EPN2: variants seen among roughly 807,000 people sequenced by gnomAD.
EPN2 encodes epsin-2.
In EPN2, 34 loss-of-function variants were observed where a neutral mutation model predicts 61.7. That is an observed-to-expected ratio of 0.55 (90% CI 0.42 to 0.73). EPN2 has a LOEUF of 0.73. Among genes scored for constraint, EPN2 ranks in the 30% least tolerant of loss-of-function variants. The pLI, the probability that EPN2 is intolerant of heterozygous loss-of-function variation, is 0.00. For missense variants in EPN2, 714 were observed against 839.2 expected (o/e 0.85, Z 1.84); for synonymous variants, 349 against 353.6 (o/e 0.99, Z 0.15).
At chr17:19,266,043 C>CT (rs755709636) in intron 1 of EPN2, among the ~76,000 whole-genome samples, 14 of 152,152 alleles carry the variant, frequency 9.2e-5, no homozygotes, top group Non-Finnish European at 1.5e-4. Context: ...TCTCAGTCGT[C>CT]TTTCTGTCTT....
chr17:19,248,241 T>C (rs1012040657), intron 1 of EPN2, among the ~76,000 whole-genome samples: 4 of 152,318 alleles, frequency 2.6e-5, no homozygotes, highest in African/African-American at 9.6e-5. Context: ...TCACCCTGGC[T>C]GAAATACGCC....
chr17:19,321,529 G>A (rs1490763709), intron 7 of EPN2, among the ~76,000 whole-genome samples: 1 of 152,174 alleles, frequency 6.6e-6, no homozygotes, highest in Admixed American at 6.5e-5. Context: ...AGTGGGTGAG[G>A]GGAGAATTCT....
intron 1 of EPN2, among the ~76,000 whole-genome samples, chr17:19,260,467 T>A (rs1361622884): frequency 6.6e-6 from 1 of 152,038 alleles, no homozygotes; most frequent in African/African-American, 2.4e-5. Flanking sequence ...GCTTCACAGG[T>A]CTTGGTAATG....
intron 7 of EPN2, among the ~76,000 whole-genome samples, chr17:19,315,383 G>T (rs1360833110): frequency 6.6e-6 from 1 of 152,162 alleles, no homozygotes; most frequent in Non-Finnish European, 1.5e-5. Flanking sequence ...TGATGAATGG[G>T]GGCAACTTGG....
intron 1 of EPN2, among the ~76,000 whole-genome samples, chr17:19,252,222 C>T (rs1313457248): frequency 6.6e-6 from 1 of 152,076 alleles, no homozygotes; most frequent in African/African-American, 2.4e-5. Context: ...TCTGAGGGGC[C>T]TTTTGTGTGC....
intron 4 of EPN2, among the ~76,000 whole-genome samples, chr17:19,292,911 T>G (rs1008621053): frequency 6.6e-6 from 1 of 152,228 alleles, no homozygotes; most frequent in African/African-American, 2.4e-5. Context: ...AAGCTAGAAT[T>G]AGAACTGGGA....
At chr17:19,331,518 A>G (rs1236800695) in intron 9 of EPN2, among the ~76,000 whole-genome samples, 6 of 141,222 alleles carry the variant, frequency 4.2e-5, no homozygotes, top group Admixed American at 3.5e-4. Flanking sequence ...AAAATGTAAG[A>G]AAAAAAAAAA....
intron 10 of EPN2, among the ~76,000 whole-genome samples, chr17:19,333,645 G>T (rs1907264744): frequency 6.6e-6 from 1 of 152,148 alleles, no homozygotes; most frequent in Non-Finnish European, 1.5e-5. Context: ...GCTGGTGAAG[G>T]TGTCCTGGGT....
chr17:19,289,323 A>T (rs188449428), intron 4 of EPN2, among the ~76,000 whole-genome samples: 521 of 152,064 alleles, frequency 3.4e-3, no homozygotes, highest in Non-Finnish European at 4.4e-3. Context: ...TGACCCCGTG[A>T]TCCGCCCACC....
At chr17:19,291,123 T>C (rs535834815) in intron 4 of EPN2, among the ~76,000 whole-genome samples, 1 of 152,130 alleles carries the variant, frequency 6.6e-6, no homozygotes. Flanking sequence ...CAGAAGAAAT[T>C]GGGGCAAAAG....
At chr17:19,247,274 C>T (rs888305963) in intron 1 of EPN2, among the ~76,000 whole-genome samples, 4 of 152,076 alleles carry the variant, frequency 2.6e-5, no homozygotes, top group Non-Finnish European at 5.9e-5. Context: ...AACACGTGAT[C>T]TAGAGGCAAA....
At chr17:19,266,194 C>T (rs955154170) in intron 1 of EPN2, among the ~76,000 whole-genome samples, 4 of 152,096 alleles carry the variant, frequency 2.6e-5, no homozygotes, top group African/African-American at 9.7e-5. Context: ...CCAGTATTTC[C>T]CAACATAATT....
intron 1 of EPN2, among the ~76,000 whole-genome samples, chr17:19,246,899 C>G (rs1567841057): frequency 6.6e-6 from 1 of 151,752 alleles, no homozygotes; most frequent in South Asian, 2.1e-4. Flanking sequence ...TCCCAAGTAG[C>G]TGGGACTACA....
intron 5 of EPN2, among the ~76,000 whole-genome samples, chr17:19,310,609 A>G (rs11204418): frequency 0.97 from 127,328 of 131,394 alleles, 61,829 homozygotes; most frequent in African/African-American, 0.99. Context: ...TCAGAGTCTC[A>G]CTCTGTCACC....
intron 1 of EPN2, among the ~76,000 whole-genome samples, chr17:19,242,400 G>A (rs893610444): frequency 6.6e-6 from 1 of 152,154 alleles, no homozygotes; most frequent in Non-Finnish European, 1.5e-5. Context: ...TCCAGCCTGG[G>A]TGACAGAGCA....
chr17:19,313,491 G>C (rs1224906870), intron 7 of EPN2: 2 of 434,856 alleles, frequency 4.6e-6, no homozygotes, highest in Non-Finnish European at 8.1e-6. Flanking sequence ...GTGGTTTTCT[G>C]CTTTGGGAGA....
Position 19,331,905 on chromosome 17 carries a change from C to T in EPN2, c.1464C>T (p.Asp488=), listed in dbSNP as rs200927102. The T allele has an allele frequency of 1.9e-6, 3 of 1,614,062 alleles. No homozygotes were observed. The highest frequency in any genetic ancestry group is 2.2e-5 in the East Asian group (1 of 44,894). ...AAAACAATGGAACTACCAGCCCTGA[C>T]CCCTTTGAGTCTCAACCCCTGACTG... is the stretch of plus-strand genomic sequence containing the variant. ...PSQNNGTTSP[D]PFESQPLTVA... The change falls in exon 10 of 11, where the codon GAC becomes GAT. Residue 488 remains aspartate (D), a synonymous_variant. Transcript: ENST00000314728.
At position 19,264,243 on chromosome 17, in the gene EPN2, G is replaced by T. The variant is rs1463807690; in HGVS notation, c.-293-17712G>T. Among the ~76,000 whole-genome samples the T allele has an allele frequency of 5.9e-5, 9 of 152,282 alleles. No homozygotes were observed. The East Asian group carries it at 1.7e-3, about 29-fold the overall frequency. On this transcript the variant is annotated intron_variant, in intron 1 of 10. Coordinates refer to ENST00000314728, the MANE Select transcript of EPN2 (RefSeq NM_014964.5). Reference sequence around the variant, plus strand: ...TGGTAGCATACTTCTAATCTTTTAGGAATTATAAAAATTATATGGTTTGCG... The same window carrying T: ...TGGTAGCATACTTCTAATCTTTTAGTAATTATAAAAATTATATGGTTTGCG...
chr17:19,288,851 C>T (rs1478402731), intron 4 of EPN2, among the ~76,000 whole-genome samples: 4 of 152,148 alleles, frequency 2.6e-5, no homozygotes, highest in Non-Finnish European at 5.9e-5. Context: ...CACTCAGTGG[C>T]CCGGTGCTGG....
Sources: allele counts gnomAD v4.1 joint callset (sites outside exome capture counted in the v4.1 genomes callset), GRCh38; gene constraint gnomAD v4.1.1; transcripts MANE v1.5; gene names NCBI Gene and HGNC (gene_info 2026-07-23, HGNC 2026-07-21).